GABRA3: variants seen among roughly 807,000 people sequenced by gnomAD.
GABRA3 encodes gamma-aminobutyric acid type A receptor subunit alpha3, also known as gamma-aminobutyric acid receptor subunit alpha-3.
In GABRA3, 10 loss-of-function variants were observed where a neutral mutation model predicts 30.1. That is an observed-to-expected ratio of 0.33 (90% CI 0.20 to 0.56). The LOEUF is 0.56. Ranked by LOEUF, GABRA3 falls within the 20% of genes least tolerant of loss-of-function variation. The pLI is 0.89. For synonymous variants in GABRA3, 151 were observed against 146.8 expected, an observed-to-expected ratio of 1.03 and a Z score of -0.21; for missense variants, 233 against 392.0, an observed-to-expected ratio of 0.59 and a Z score of 3.42.
intron 3 of GABRA3, among the ~76,000 whole-genome samples, chrX:152,328,220 GA>G (rs1940098234): frequency 9.0e-6 from 1 of 110,704 alleles, no homozygotes; most frequent in Non-Finnish European, 1.9e-5. Context: ...GCCTACCAAC[GA>G]AAAAAAGTCC....
chrX:152,442,103 A>G (rs986273155), intron 1 of GABRA3, among the ~76,000 whole-genome samples: 4 of 111,657 alleles, frequency 3.6e-5, no homozygotes, highest in African/African-American at 1.3e-4. Context: ...GAATATATAA[A>G]TAAGTCTTAT....
At chrX:152,240,109 G>T (rs1463149874) in intron 5 of GABRA3, among the ~76,000 whole-genome samples, 1 of 99,384 alleles carries the variant, frequency 1.0e-5, no homozygotes, top group Non-Finnish European at 2.0e-5. Context: ...TTACATTTTG[G>T]CATGATTTTG....
intron 7 of GABRA3, among the ~76,000 whole-genome samples, chrX:152,204,898 C>T (rs113785732): frequency 0.19 from 20,626 of 110,878 alleles, 1,439 homozygotes; most frequent in Admixed American, 0.25. Flanking sequence ...CCTTCCTTGC[C>T]TCTTCTTAGT....
At chrX:152,174,318 G>T (rs1937043746) in intron 9 of GABRA3, among the ~76,000 whole-genome samples, 1 of 111,594 alleles carries the variant, frequency 9.0e-6, no homozygotes, top group Admixed American at 9.5e-5. Flanking sequence ...TAATGGGATG[G>T]CTGGGTCAAA....
At chrX:152,172,495 C>T (rs781089755) in intron 9 of GABRA3, among the ~76,000 whole-genome samples, 2 of 111,673 alleles carry the variant, frequency 1.8e-5, no homozygotes, top group Non-Finnish European at 3.8e-5. Context: ...TTTGCATACC[C>T]ATGTTCACAC....
intron 3 of GABRA3, among the ~76,000 whole-genome samples, chrX:152,342,398 C>A (rs1448172253): frequency 8.9e-6 from 1 of 112,100 alleles, no homozygotes; most frequent in Non-Finnish European, 1.9e-5. Flanking sequence ...TTCAGATAAT[C>A]CCATTACAGT....
At chrX:152,191,006 TCA>T (rs1937318464) in intron 8 of GABRA3, among the ~76,000 whole-genome samples, 1 of 109,061 alleles carries the variant, frequency 9.2e-6, no homozygotes, top group African/African-American at 3.3e-5. Flanking sequence ...CCAGAGAGCC[TCA>T]GTTTATCATG....
intron 3 of GABRA3, among the ~76,000 whole-genome samples, chrX:152,315,457 G>C (rs766930996): frequency 9.0e-6 from 1 of 111,399 alleles, no homozygotes; most frequent in South Asian, 3.8e-4. Context: ...GAAACCCCCA[G>C]CTGAACTTTG....
At chrX:152,413,039 A>G (rs909017990) in intron 1 of GABRA3, among the ~76,000 whole-genome samples, 3 of 111,067 alleles carry the variant, frequency 2.7e-5, no homozygotes, top group African/African-American at 9.8e-5. Flanking sequence ...AATAAATTCA[A>G]ATACATCCAG....
intron 2 of GABRA3, 150 bp downstream of exon 2, chrX:152,364,281 G>GA (rs1928591979): frequency 2.0e-6 from 1 of 495,583 alleles, no homozygotes; most frequent in Non-Finnish European, 3.3e-6. Context: ...TTGAGAGTCT[G>GA]AGCCTATGAC....
intron 9 of GABRA3, among the ~76,000 whole-genome samples, chrX:152,188,017 T>C (rs1937277850): frequency 9.0e-6 from 1 of 111,501 alleles, no homozygotes; most frequent in Non-Finnish European, 1.9e-5. Context: ...CAGAAGGAAA[T>C]ATGGTTCCCA....
At chrX:152,444,902 A>G (rs1350678150) in intron 1 of GABRA3, among the ~76,000 whole-genome samples, 1 of 94,949 alleles carries the variant, frequency 1.1e-5, no homozygotes, top group African/African-American at 3.8e-5. Context: ...TCTACTAAAA[A>G]TACAAAAAAT....
chrX:152,288,799 T>C (rs1310325370), intron 3 of GABRA3, among the ~76,000 whole-genome samples: 1 of 112,374 alleles, frequency 8.9e-6, no homozygotes, highest in Non-Finnish European at 1.9e-5. Flanking sequence ...TAGTAGAAGA[T>C]AAGAAGGGAT....
chrX:152,306,899 T>A (rs146761156), intron 3 of GABRA3, among the ~76,000 whole-genome samples: 1,895 of 111,404 alleles, frequency 0.017, 20 homozygotes, highest in South Asian at 0.038. Flanking sequence ...CTGCCCCAGC[T>A]TTGACATAGA....
At chrX:152,346,035 A>G (rs1035627231) in intron 2 of GABRA3, among the ~76,000 whole-genome samples, 2 of 111,667 alleles carry the variant, frequency 1.8e-5, no homozygotes, top group Admixed American at 9.5e-5. Context: ...TGGTTCATCA[A>G]ATTGTGTTGC....
intron 5 of GABRA3, among the ~76,000 whole-genome samples, chrX:152,242,075 A>C (rs1364644161): frequency 3.6e-5 from 4 of 112,080 alleles, no homozygotes; most frequent in Non-Finnish European, 7.5e-5. Flanking sequence ...TAACAAAAAA[A>C]CAAACACATA....
intron 1 of GABRA3, among the ~76,000 whole-genome samples, chrX:152,426,511 C>T (rs2124541981): frequency 9.0e-6 from 1 of 111,683 alleles, no homozygotes; most frequent in South Asian, 3.8e-4. Context: ...GTCAACACTT[C>T]ATACTCAATT....
chrX:152,253,973 C>T (rs975764744), intron 5 of GABRA3, among the ~76,000 whole-genome samples: 1 of 111,712 alleles, frequency 9.0e-6, no homozygotes, highest in African/African-American at 3.2e-5. Flanking sequence ...GTTAGATGAC[C>T]CTGCTCTATA....
intron 1 of GABRA3, among the ~76,000 whole-genome samples, chrX:152,426,736 T>C (rs1478058800): frequency 8.9e-6 from 1 of 112,121 alleles, no homozygotes; most frequent in Non-Finnish European, 1.9e-5. Flanking sequence ...CCCACTAGAT[T>C]TTGGCAGAAT....
Sources: allele counts gnomAD v4.1 joint callset (sites outside exome capture counted in the v4.1 genomes callset), GRCh38; gene constraint gnomAD v4.1.1; transcripts MANE v1.5; gene names NCBI Gene and HGNC (gene_info 2026-07-23, HGNC 2026-07-21).